Variants in SEC24A observed in about 807,000 individuals in gnomAD.
The protein encoded by SEC24A is protein transport protein Sec24A.
Under a neutral mutation model 129.4 loss-of-function variants are expected in SEC24A, and 93 were observed. That is an observed-to-expected ratio of 0.72 (90% CI 0.61 to 0.85). The LOEUF (loss-of-function observed/expected upper bound fraction) is 0.85. Ranked by LOEUF, SEC24A falls within the 40% of genes least tolerant of loss-of-function variation. SEC24A has a pLI of 0.00. For synonymous variants in SEC24A, 460 were observed against 467.3 expected (o/e 0.98, Z 0.20); for missense variants, 1,264 against 1,307.4 (o/e 0.97, Z 0.51).
At chr5:134,675,003 C>A in intron 5 of SEC24A, 42 bp from the exon 6 acceptor site, 1 of 1,471,944 alleles carries the variant, frequency 6.8e-7, no homozygotes, top group Non-Finnish European at 9.2e-7. Context: ...CTTCCCTACA[C>A]ACTTAATAAA....
chr5:134,710,182 A>T (rs974444198), intron 18 of SEC24A, among the ~76,000 whole-genome samples: 1 of 149,050 alleles, frequency 6.7e-6, no homozygotes, highest in African/African-American at 2.5e-5. Flanking sequence ...TACAGGCATG[A>T]GCTACCACAT....
intron 15 of SEC24A, among the ~76,000 whole-genome samples, chr5:134,701,941 T>C (rs991557100): frequency 6.6e-6 from 1 of 152,178 alleles, no homozygotes; most frequent in Non-Finnish European, 1.5e-5. Flanking sequence ...GAAAAGATAA[T>C]GTACAAAAAG....
intron 16 of SEC24A, 48 bp downstream of exon 16, chr5:134,703,980 G>A (rs1260963754): frequency 6.8e-6 from 9 of 1,320,576 alleles, no homozygotes; most frequent in Non-Finnish European, 7.4e-6. Flanking sequence ...AATATTGTCT[G>A]GATTTCAAAT....
At position 134,649,111 on chromosome 5, in the gene SEC24A, C is replaced by A. The variant is rs1258399531; in HGVS notation, c.35C>A (p.Ala12Asp). ...CCGGGAATACCGGCCTCCGGCGGCG[C>A]CCCAGCCAGCCTCCAGGCCCAGAAC... ...SQPGIPASGGAPASLQAQNGA... is the reference protein window; with the variant it reads ...SQPGIPASGGDPASLQAQNGA... The change falls in exon 1 of 23, where the codon GCC (alanine) becomes GAC (aspartate). Residue 12 changes from alanine to aspartate, a missense_variant. Transcript: ENST00000398844. 1 of 1,610,158 alleles carries A rather than the reference C, an allele frequency of 6.2e-7. No individual in the cohort carries two copies. The highest frequency in any genetic ancestry group is 8.5e-7 in the Non-Finnish European group (1 of 1,178,318).
chr5:134,699,183 G>A (rs1014545578), intron 15 of SEC24A, among the ~76,000 whole-genome samples: 2 of 151,922 alleles, frequency 1.3e-5, no homozygotes, highest in Non-Finnish European at 2.9e-5. Context: ...TCCTGCCTTA[G>A]CCTCCCAAAG....
chr5:134,727,632 T>C lies in SEC24A; in HGVS notation c.*2538T>C, dbSNP rs912495763. On this transcript the variant is annotated 3_prime_UTR_variant, in exon 23 of 23. Coordinates refer to ENST00000398844, the MANE Select transcript of SEC24A (RefSeq NM_021982.3). ...TTAACTATTACAAATGTAATCCTTA[T>C]ATAGAAATTTTAATTTTGTAAAGTA... The C allele has an allele frequency of 3.3e-5, 5 of 152,602 alleles. No individual in the cohort carries two copies. The highest frequency in any genetic ancestry group is 7.4e-5 in the Non-Finnish European group (5 of 68,016). The allele number at this position is 152,602 out of a possible 1,614,324, so 9.5% of individuals were successfully genotyped here.
At chr5:134,689,767 A>G (rs1208671986) in intron 11 of SEC24A, among the ~76,000 whole-genome samples, 2 of 144,518 alleles carry the variant, frequency 1.4e-5, no homozygotes, top group East Asian at 2.0e-4. Context: ...CCATCTCAAG[A>G]AAAAAAAAAA....
chr5:134,682,939 T>C (rs562506994), intron 9 of SEC24A, among the ~76,000 whole-genome samples: 2 of 152,192 alleles, frequency 1.3e-5, no homozygotes, highest in Admixed American at 6.6e-5. Context: ...TATAAGGGTA[T>C]ATTTGAAAGG....
At chr5:134,662,919 G>A (rs558288122) in intron 2 of SEC24A, among the ~76,000 whole-genome samples, 1 of 152,172 alleles carries the variant, frequency 6.6e-6, no homozygotes, top group African/African-American at 2.4e-5. Flanking sequence ...AATTGCTTGA[G>A]CTCTGGCAAT....
At position 134,727,184 on chromosome 5, in the gene SEC24A, C is replaced by T; in HGVS notation, c.*2090C>T. ...TTTCCCCCAATAGGGCACTACCTGC[C>T]ATATCATCTTGTATTACTTTTTGAT... On this transcript the variant is annotated 3_prime_UTR_variant, in exon 23 of 23. Coordinates refer to ENST00000398844, the MANE Select transcript of SEC24A (RefSeq NM_021982.3). The T allele has an allele frequency of 6.6e-6, 1 of 152,310 alleles. No individual in the cohort carries two copies. The highest frequency in any genetic ancestry group is 3.2e-3 in the Middle Eastern group (1 of 316). The allele number at this position is 152,310 out of a possible 1,614,324, so 9.4% of individuals were successfully genotyped here.
At chr5:134,681,708 T>A (rs1272632861) in intron 8 of SEC24A, among the ~76,000 whole-genome samples, 1 of 152,066 alleles carries the variant, frequency 6.6e-6, no homozygotes, top group Non-Finnish European at 1.5e-5. Context: ...TTCTAAACAA[T>A]TAGTAGGAAG....
At chr5:134,663,830 C>T (rs1750557167) in intron 2 of SEC24A, among the ~76,000 whole-genome samples, 1 of 152,170 alleles carries the variant, frequency 6.6e-6, no homozygotes, top group Admixed American at 6.5e-5. Flanking sequence ...AGTGCTGAGG[C>T]TGGGCATGGT....
At position 134,727,719 on chromosome 5, in the gene SEC24A, G is replaced by A. The variant is rs1752788997; in HGVS notation, c.*2625G>A. Reference sequence around the variant, plus strand: ...ATTCAAATATGTATTGATCTTCAATGTGCTGTGTTAAATCTTGCTTCTCTG... The same window carrying A: ...ATTCAAATATGTATTGATCTTCAATATGCTGTGTTAAATCTTGCTTCTCTG... On this transcript the variant is annotated 3_prime_UTR_variant, in exon 23 of 23. Coordinates refer to ENST00000398844, the MANE Select transcript of SEC24A (RefSeq NM_021982.3). 6.6e-6 allele frequency: 1 copy of A among 152,050 alleles called. No individual in the cohort carries two copies. The highest frequency in any genetic ancestry group is 2.4e-5 in the African/African-American group (1 of 41,234). 9.4% of individuals were successfully genotyped at this position (152,050 alleles called of 1,614,324 possible).
intron 1 of SEC24A, among the ~76,000 whole-genome samples, chr5:134,654,473 G>A (rs1214499900): frequency 1.3e-5 from 2 of 152,102 alleles, no homozygotes; most frequent in African/African-American, 2.4e-5. Context: ...GCCTGCCTTG[G>A]CCTCCCAAAG....
At chr5:134,714,263 TG>T (rs927985996) in intron 18 of SEC24A, among the ~76,000 whole-genome samples, 2 of 152,136 alleles carry the variant, frequency 1.3e-5, no homozygotes, top group African/African-American at 2.4e-5. Context: ...CCAGCACTCA[TG>T]GGCCACTTAG....
intron 12 of SEC24A, 161 bp downstream of exon 12, chr5:134,692,818 A>T: frequency 2.8e-6 from 2 of 705,828 alleles, no homozygotes; most frequent in Non-Finnish European, 5.1e-6. Context: ...CTTGAGTTCA[A>T]CCTTGAGCTG....
At chr5:134,668,902 TAAAAA>T (rs1240075939) in intron 3 of SEC24A, among the ~76,000 whole-genome samples, 1 of 149,856 alleles carries the variant, frequency 6.7e-6, no homozygotes, top group Non-Finnish European at 1.5e-5. Context: ...ATAAAAATAA[TAAAAA>T]ATAAAAATAC....
At chr5:134,672,412 T>G (rs1246767512) in intron 4 of SEC24A, among the ~76,000 whole-genome samples, 2 of 152,182 alleles carry the variant, frequency 1.3e-5, no homozygotes, top group Admixed American at 6.6e-5. Flanking sequence ...GTCCTCTAAC[T>G]CCTGACCTCA....
At chr5:134,650,514 T>C (rs1750009850) in intron 1 of SEC24A, among the ~76,000 whole-genome samples, 1 of 151,982 alleles carries the variant, frequency 6.6e-6, no homozygotes, top group South Asian at 2.1e-4. Flanking sequence ...TTTGATACAG[T>C]CCAACAGACA....
Sources: gnomAD v4.1 joint callset for allele counts (sites outside exome capture counted in the v4.1 genomes callset) on GRCh38, gnomAD v4.1.1 for gene constraint, MANE v1.5 for transcripts, NCBI Gene and HGNC (gene_info 2026-07-23, HGNC 2026-07-21) for gene names.